COX7A2L: variants seen among roughly 807,000 people sequenced by gnomAD.
COX7A2L encodes cytochrome c oxidase subunit 7A2-like, mitochondrial.
COX7A2L carries 18 observed loss-of-function variants against 14.2 expected under a neutral mutation model. The ratio of observed to expected loss-of-function variants is 1.27; its 90% CI spans 0.88 to 1.88. COX7A2L has a LOEUF of 1.88. Ranked by LOEUF, COX7A2L falls within the 40% of genes most tolerant of loss-of-function variation. COX7A2L has a pLI of 0.00. For missense variants in COX7A2L, 179 were observed against 138.8 expected (o/e 1.29, Z -1.46); for synonymous variants, 65 against 57.4 (o/e 1.13, Z -0.60).
chr2:42,359,234 GC>G (rs1241507096), intron 1 of COX7A2L: 1 of 152,174 alleles, frequency 6.6e-6, no homozygotes, highest in Non-Finnish European at 1.5e-5. Context: ...CTGTGCCATT[GC>G]ACTCCAGCCT....
At chr2:42,360,991 G>A (rs868631325) in intron 1 of COX7A2L, 99 bp downstream of exon 1, 8 of 1,289,300 alleles carry the variant, frequency 6.2e-6, no homozygotes, top group Middle Eastern at 3.8e-4. Context: ...GAACTCGACC[G>A]CGGGCAGAAG....
chr2:42,335,687 TC>T (rs1349936462), intron 2 of COX7A2L, among the ~76,000 whole-genome samples: 4 of 152,238 alleles, frequency 2.6e-5, no homozygotes, highest in Admixed American at 2.6e-4. Flanking sequence ...AGCCAGGTAC[TC>T]CCGCCTCCGG....
chr2:42,336,494 A>G (rs912324969), intron 2 of COX7A2L, among the ~76,000 whole-genome samples: 1 of 152,186 alleles, frequency 6.6e-6, no homozygotes, highest in Non-Finnish European at 1.5e-5. Flanking sequence ...ATTTCTTAAT[A>G]TGCAAAGCCT....
chr2:42,354,764 A>G (rs1386429746), intron 1 of COX7A2L, among the ~76,000 whole-genome samples: 1 of 152,156 alleles, frequency 6.6e-6, no homozygotes, highest in Non-Finnish European at 1.5e-5. Context: ...TTTATTACTG[A>G]TCACTTGCTC....
rs1033345724 is a variant in COX7A2L at position 42,339,913 on chromosome 2, G to C, written c.193-6044C>G. Among the ~76,000 whole-genome samples, 1 of 152,062 alleles carries C rather than the reference G, an allele frequency of 6.6e-6. No homozygotes were observed. Among genetic ancestry groups the C allele is most frequent in the African/African-American group, 2.4e-5 (1 of 41,380 alleles). ...TCTGTTCACACAACCCGTGAACCTC[G>C]CTGCTCTCTTCCTCTCCACCCACCT... is the stretch of plus-strand genomic sequence containing the variant. On this transcript the variant is annotated intron_variant, in intron 2 of 2. Transcript: ENST00000468711. The surrounding 1 kb of genome is among the most constrained non-coding windows in gnomAD (Gnocchi z 5.4).
At chr2:42,357,982 T>C (rs1265961881) in intron 1 of COX7A2L, among the ~76,000 whole-genome samples, 1 of 152,204 alleles carries the variant, frequency 6.6e-6, no homozygotes, top group Non-Finnish European at 1.5e-5. Flanking sequence ...TCCCTTTACC[T>C]AGAATACCAT....
chr2:42,366,567 T>A (rs1223800605), intron 1 of COX7A2L, among the ~76,000 whole-genome samples: 1 of 152,202 alleles, frequency 6.6e-6, no homozygotes, highest in Non-Finnish European at 1.5e-5. Context: ...ACAGGGTGAT[T>A]GCAAAGATTA....
chr2:42,360,421 T>A (rs1670987298), intron 1 of COX7A2L, among the ~76,000 whole-genome samples: 1 of 152,184 alleles, frequency 6.6e-6, no homozygotes, highest in African/African-American at 2.4e-5. Context: ...AAATCCCTCA[T>A]GTTTACCCCC....
intron 1 of COX7A2L, chr2:42,359,064 G>A (rs935405982): frequency 5.3e-5 from 8 of 152,152 alleles, no homozygotes; most frequent in South Asian, 2.1e-4. Context: ...AGAATAAGAG[G>A]ATAAAAGGAA....
At position 42,339,197 on chromosome 2, in the gene COX7A2L, T is replaced by C. The variant is rs1670349215; in HGVS notation, c.193-5328A>G. On this transcript the variant is annotated intron_variant, in intron 2 of 2. Transcript: ENST00000468711. This position sits in a 1 kb window ranked among gnomAD's most constrained non-coding sequence, Gnocchi z 5.4. ...TTTTAGTAGTTAATTACTTTTTTTA[T>C]TAACCATTATCAAGTTTAAACACAA... Among the ~76,000 whole-genome samples, 1 of 152,216 alleles carries C rather than the reference T, an allele frequency of 6.6e-6. No homozygotes were observed. Among genetic ancestry groups the C allele is most frequent in the African/African-American group, 2.4e-5 (1 of 41,458 alleles).
intron 2 of COX7A2L, among the ~76,000 whole-genome samples, chr2:42,343,869 G>C (rs949417602): frequency 7.2e-5 from 11 of 152,188 alleles, no homozygotes; most frequent in Admixed American, 7.2e-4. Context: ...ACGAAAGCTG[G>C]CCAGTGTTAT....
intron 2 of COX7A2L, among the ~76,000 whole-genome samples, chr2:42,335,687 T>C (rs1411754076): frequency 6.6e-6 from 1 of 152,238 alleles, no homozygotes; most frequent in Admixed American, 6.5e-5. Context: ...AGCCAGGTAC[T>C]CCCGCCTCCG....
At chr2:42,344,579 G>A (rs777580634), downstream of COX7A2L, among the ~76,000 whole-genome samples, 2 of 152,160 alleles carry the variant, frequency 1.3e-5, no homozygotes, top group Non-Finnish European at 2.9e-5. Flanking sequence ...CAGGCCCGGC[G>A]CGGTGGCTCA....
intron 1 of COX7A2L, chr2:42,360,843 T>C (rs926930137): frequency 3.6e-6 from 2 of 549,474 alleles, no homozygotes; most frequent in Non-Finnish European, 6.5e-6. Flanking sequence ...GGGGGTCACC[T>C]TGACCCCTGC....
At chr2:42,352,172 C>G (rs568592125) in intron 2 of COX7A2L, among the ~76,000 whole-genome samples, 1 of 152,090 alleles carries the variant, frequency 6.6e-6, no homozygotes, top group Non-Finnish European at 1.5e-5. Flanking sequence ...AAATCATCAT[C>G]TTCATCATCA....
chr2:42,355,120 CA>C (rs549215764), intron 1 of COX7A2L, among the ~76,000 whole-genome samples: 1 of 152,170 alleles, frequency 6.6e-6, no homozygotes, highest in Non-Finnish European at 1.5e-5. Context: ...TGCTTAAAAA[CA>C]ACAGCCCATT....
upstream of COX7A2L, chr2:42,361,869 G>C (rs1050687052): frequency 7.2e-5 from 11 of 152,210 alleles, no homozygotes; most frequent in Admixed American, 7.2e-4. Flanking sequence ...AAGCAAATAA[G>C]AAAATTTGGA....
Position 42,361,210 on chromosome 2 carries a change from A to C in COX7A2L, c.-49T>G. On this transcript the variant is annotated 5_prime_UTR_variant, in exon 1 of 3. Transcript: ENST00000234301. ...CATCCGCTGCCAACGCGACCGCCCC[A>C]GAGAAGGACCCCGCCTCCCCGGCTG... 1.3e-6 allele frequency: 2 copies of C among 1,535,330 alleles called. No individual in the cohort carries two copies. Among genetic ancestry groups the C allele is most frequent in the Non-Finnish European group, 1.8e-6 (2 of 1,128,062 alleles).
chr2:42,336,855 A>AG (rs1001179856), intron 2 of COX7A2L, among the ~76,000 whole-genome samples: 4 of 152,174 alleles, frequency 2.6e-5, no homozygotes, highest in African/African-American at 9.7e-5. Context: ...CAGGATCCAA[A>AG]GGAGGCACCC....
Sources: allele counts gnomAD v4.1 joint callset (sites outside exome capture counted in the v4.1 genomes callset), GRCh38; gene constraint gnomAD v4.1.1; non-coding constraint Gnocchi (gnomAD v3.1); transcripts MANE v1.5; gene names NCBI Gene and HGNC (gene_info 2026-07-23, HGNC 2026-07-21).